The following RELCH variants were observed in gnomAD, a reference collection of about 807,000 sequenced individuals.
The protein encoded by RELCH is RAB11-binding protein RELCH.
RELCH carries 41 observed loss-of-function variants against 150.3 expected under a neutral mutation model. The observed-to-expected ratio is 0.27, with a 90% CI of 0.21 to 0.35. The LOEUF (loss-of-function observed/expected upper bound fraction) is 0.35. Among genes scored for constraint, RELCH ranks in the 10% least tolerant of loss-of-function variants. The pLI is 1.00. For missense variants in RELCH, 1,092 were observed against 1,467.8 expected, an observed-to-expected ratio of 0.74 and a Z score of 4.18; for synonymous variants, 478 against 531.8, an observed-to-expected ratio of 0.90 and a Z score of 1.39.
chr18:62,298,821 A>T lies in RELCH; in HGVS notation c.3491A>T (p.Glu1164Val). Residue 1164 changes from glutamate to valine, a missense_variant, in exon 28 of 29, where the codon GAA becomes GTA. Glu to Val is a moderately radical substitution (Grantham distance 121). Around this residue, in one of 4 missense-constraint regions of RELCH, gnomAD observed 707 missense variants for 1,025.4 expected, o/e 0.69. Transcript: ENST00000644646. ...VILSSMIKEC[E>V]QKVENKTVQE... ...TTAAGTTCCATGATAAAAGAATGTG[A>T]ACAAAAAGTTGAAAACAAGACCGTC... is the stretch of plus-strand genomic sequence containing the variant. 1 of 1,590,454 alleles carries T rather than the reference A, an allele frequency of 6.3e-7. No homozygotes were observed. Among genetic ancestry groups the T allele is most frequent in the African/African-American group, 1.3e-5 (1 of 74,258 alleles).
chr18:62,207,368 A>G (rs2039868975), intron 1 of RELCH, among the ~76,000 whole-genome samples: 1 of 152,226 alleles, frequency 6.6e-6, no homozygotes, highest in African/African-American at 2.4e-5. Context: ...TCTATTGTAC[A>G]GATATATACC....
chr18:62,219,331 T>TC (rs1455423241), intron 2 of RELCH, among the ~76,000 whole-genome samples: 1 of 147,812 alleles, frequency 6.8e-6, no homozygotes, highest in Non-Finnish European at 1.5e-5. Context: ...TTTTCTTTTT[T>TC]TTTTTTTTTT....
intron 28 of RELCH, among the ~76,000 whole-genome samples, chr18:62,301,428 A>G (rs769795314): frequency 5.3e-5 from 8 of 152,254 alleles, no homozygotes; most frequent in Non-Finnish European, 1.2e-4. Context: ...AGACTCTGCT[A>G]TTGTAGCAGG....
intron 2 of RELCH, 98 bp from the exon 3 acceptor site, chr18:62,220,938 AT>A (rs549239205): frequency 3.3e-4 from 301 of 922,176 alleles, no homozygotes; most frequent in African/African-American, 5.1e-4. Context: ...TACAAATTGT[AT>A]TTTTTTTTCA....
chr18:62,264,806 T>A lies in RELCH; in HGVS notation c.2585T>A (p.Phe862Tyr). ...TGTGTCCATGAATTCTCCAGATTTT[T>A]CTGGCGCCTTTGCCGGACATTTGGC... ...TACVHEFSRFFWRLCRTFGKI... is the reference protein window; with the variant it reads ...TACVHEFSRFYWRLCRTFGKI... The change falls in exon 18 of 29, where the codon TTC becomes TAC. Residue 862 changes from phenylalanine (F) to tyrosine (Y), a missense_variant. By Grantham distance (22) the Phe-to-Tyr change is conservative (BLOSUM62 3). Transcript: ENST00000644646. 1 of 1,609,894 alleles carries A rather than the reference T, an allele frequency of 6.2e-7. No individual in the cohort carries two copies.
chr18:62,299,970 T>A (rs1271063368), intron 28 of RELCH: 1 of 152,192 alleles, frequency 6.6e-6, no homozygotes, highest in Non-Finnish European at 1.5e-5. Flanking sequence ...TTCATAAATG[T>A]CAGTGATTTG....
intron 10 of RELCH, among the ~76,000 whole-genome samples, chr18:62,242,456 AATAG>A (rs1227547329): frequency 6.6e-6 from 1 of 152,204 alleles, no homozygotes; most frequent in African/African-American, 2.4e-5. Context: ...AATTAGCAGC[AATAG>A]ATAAATTGCA....
At chr18:62,296,720 T>C (rs1302048633) in intron 27 of RELCH, among the ~76,000 whole-genome samples, 1 of 152,234 alleles carries the variant, frequency 6.6e-6, no homozygotes, top group African/African-American at 2.4e-5. Context: ...TGAATGTTTT[T>C]ATTATGAAGG....
At chr18:62,255,291 G>A (rs548152792) in intron 12 of RELCH, 116 bp from the exon 13 acceptor site, 11 of 765,148 alleles carry the variant, frequency 1.4e-5, no homozygotes, top group South Asian at 1.3e-4. Flanking sequence ...CCCAGAAGTG[G>A]AAAAGGAAGA....
chr18:62,190,327 C>G (rs2038530820), intron 1 of RELCH, among the ~76,000 whole-genome samples: 1 of 152,152 alleles, frequency 6.6e-6, no homozygotes, highest in Admixed American at 6.5e-5. Flanking sequence ...GCCCGTAATC[C>G]CAACACTTTG....
chr18:62,207,688 C>T (rs1448646213), intron 1 of RELCH, among the ~76,000 whole-genome samples: 1 of 152,124 alleles, frequency 6.6e-6, no homozygotes, highest in Non-Finnish European at 1.5e-5. Context: ...AATTCATATA[C>T]CATCAATTCA....
chr18:62,297,166 T>C (rs574471429), intron 27 of RELCH, among the ~76,000 whole-genome samples: 1 of 152,204 alleles, frequency 6.6e-6, no homozygotes, highest in South Asian at 2.1e-4. Context: ...CTGAAAACCA[T>C]ACTGAAAAGA....
intron 1 of RELCH, among the ~76,000 whole-genome samples, chr18:62,189,028 T>C (rs778559619): frequency 1.9e-4 from 29 of 152,162 alleles, no homozygotes; most frequent in Non-Finnish European, 3.8e-4. Context: ...GAGACTTAAA[T>C]TGCCAAACGT....
chr18:62,188,396 A>G (rs1179970462), intron 1 of RELCH, among the ~76,000 whole-genome samples: 3 of 152,196 alleles, frequency 2.0e-5, no homozygotes, highest in East Asian at 1.9e-4. Context: ...TCACACTACC[A>G]GGAAATAGTG....
At chr18:62,278,190 T>C (rs74746097) in intron 22 of RELCH, among the ~76,000 whole-genome samples, 4,403 of 152,230 alleles carry the variant, frequency 0.029, 206 homozygotes, top group African/African-American at 0.1. Context: ...TCCTCTACAT[T>C]ACCTCTTTTT....
intron 28 of RELCH, among the ~76,000 whole-genome samples, chr18:62,299,498 A>G (rs2045569570): frequency 6.6e-6 from 1 of 152,112 alleles, no homozygotes; most frequent in Admixed American, 6.6e-5. Flanking sequence ...GTTTCATCCT[A>G]TCAGTCTAGA....
chr18:62,208,830 CT>C (rs1250289980), intron 1 of RELCH, among the ~76,000 whole-genome samples: 5 of 152,050 alleles, frequency 3.3e-5, no homozygotes, highest in Non-Finnish European at 7.4e-5. Flanking sequence ...AAGACGTGAT[CT>C]TCTTCTTTTT....
Position 62,187,408 on chromosome 18 carries a change from GGCTGTGGAGGTGC to G in RELCH, c.-91_-79del, listed in dbSNP as rs142041492. On this transcript the variant is annotated 5_prime_UTR_variant, in exon 1 of 29. Coordinates refer to ENST00000644646, the MANE Select transcript of RELCH (RefSeq NM_001346231.2). ...GGGAGGCAGGACGTGGTCAGGCCGGGGCTGTGGAGGTGCGCTGTGTCCCCTGAGGCCTAGAGGA... is the reference window on the plus strand; with the variant it reads ...GGGAGGCAGGACGTGGTCAGGCCGGGGCTGTGTCCCCTGAGGCCTAGAGGA... 0.021 allele frequency: 26,059 copies of G among 1,249,730 alleles called. 985 individuals are homozygous for G. Among genetic ancestry groups the G allele is most frequent in the East Asian group, 0.18 (7,176 of 40,638 alleles). 77.4% of individuals were successfully genotyped at this position (1,249,730 alleles called of 1,614,324 possible). A position where few individuals can be genotyped will look rare whatever the true frequency, so the allele number is the denominator to read the frequency against.
At chr18:62,300,851 T>C (rs1016066350) in intron 28 of RELCH, 1 of 152,208 alleles carries the variant, frequency 6.6e-6, no homozygotes, top group Non-Finnish European at 1.5e-5. Context: ...AAAGCACTGA[T>C]CTGCAGGCAG....
Sources: gnomAD v4.1 joint callset for allele counts (sites outside exome capture counted in the v4.1 genomes callset) on GRCh38, gnomAD v4.1.1 for gene constraint, gnomAD v4.1.1 regional missense constraint, MANE v1.5 for transcripts, NCBI Gene and HGNC (gene_info 2026-07-23, HGNC 2026-07-21) for gene names.